The following BTG4 variants were observed in gnomAD, a reference collection of about 807,000 sequenced individuals.
The protein encoded by BTG4 is protein BTG4.
Under a neutral mutation model 19.3 loss-of-function variants are expected in BTG4, and 10 were observed. The observed-to-expected ratio is 0.52, with a 90% CI of 0.32 to 0.88. BTG4 has a LOEUF of 0.88. BTG4 is among the 40% of genes least tolerant of loss of function. The pLI, the probability that BTG4 is intolerant of heterozygous loss-of-function variation, is 0.04. For synonymous variants in BTG4, 91 were observed against 95.7 expected (o/e 0.95, Z 0.29); for missense variants, 238 against 281.9 (o/e 0.84, Z 1.11).
At chr11:111,415,199 C>T in the BTG4 span, among the ~76,000 whole-genome samples, 2 of 152,230 alleles carry the variant, frequency 1.3e-5, no homozygotes, top group Admixed American at 1.3e-4. Context: ...CTGCAAAGCC[C>T]TGTTATTGGC....
chr11:111,390,419 A>G, the BTG4 span, among the ~76,000 whole-genome samples: 1 of 152,240 alleles, frequency 6.6e-6, no homozygotes. Flanking sequence ...TCTTCCCATC[A>G]GAACAAAGAA....
At chr11:111,470,343 C>T (rs1482160380) in intron 5 of BTG4, among the ~76,000 whole-genome samples, 1 of 152,044 alleles carries the variant, frequency 6.6e-6, no homozygotes, top group African/African-American at 2.4e-5. Flanking sequence ...CTCAGTGTTC[C>T]CAAAGTTCTG....
the BTG4 span, among the ~76,000 whole-genome samples, chr11:111,456,089 G>A: frequency 4.6e-5 from 7 of 152,230 alleles, no homozygotes; most frequent in African/African-American, 1.2e-4. The surrounding 1 kb of genome is among the most constrained non-coding windows in gnomAD (Gnocchi z 4.2). Context: ...AAAGTGGGAA[G>A]AACCAAGGAA....
intron 5 of BTG4, among the ~76,000 whole-genome samples, chr11:111,483,066 T>A (rs952178683): frequency 6.6e-6 from 1 of 152,174 alleles, no homozygotes; most frequent in South Asian, 2.1e-4. Context: ...ATTGAACAAC[T>A]ACCCATGCAA....
chr11:111,436,865 C>T, the BTG4 span, among the ~76,000 whole-genome samples: 7 of 152,256 alleles, frequency 4.6e-5, no homozygotes, highest in East Asian at 5.8e-4. Context: ...CGTTGGCTCG[C>T]GTGTGGGTGT....
downstream of BTG4, among the ~76,000 whole-genome samples, chr11:111,492,136 T>A (rs2135640961): frequency 6.6e-6 from 1 of 152,288 alleles, no homozygotes; most frequent in Non-Finnish European, 1.5e-5. Flanking sequence ...TATGAGGCAA[T>A]CTCTGAACCC....
intron 5 of BTG4, among the ~76,000 whole-genome samples, chr11:111,486,975 C>G (rs1198824305): frequency 1.3e-5 from 2 of 152,174 alleles, no homozygotes; most frequent in Admixed American, 6.5e-5. Flanking sequence ...CTCCCTCCCC[C>G]CGCCTCCTCC....
Position 111,495,006 on chromosome 11 carries a change from T to C in BTG4, c.*129A>G, listed in dbSNP as rs1865630795. 2 of 985,424 alleles carry C rather than the reference T, an allele frequency of 2.0e-6. No individual in the cohort carries two copies. The highest frequency in any genetic ancestry group is 4.7e-5 in the South Asian group (1 of 21,288). The allele number at this position is 985,424 out of a possible 1,614,324, so 61.0% of individuals were successfully genotyped here. A position where few individuals can be genotyped will look rare whatever the true frequency, so the allele number is the denominator to read the frequency against. ...ATGATCTGTATGAGAGGATTTACCA[T>C]TGTGTACCCTAGTCCCTAATATGGT... On this transcript the variant is annotated 3_prime_UTR_variant, in exon 5 of 5. Transcript: ENST00000692032.
chr11:111,490,361 C>T (rs1865341363), downstream of BTG4, among the ~76,000 whole-genome samples: 2 of 151,690 alleles, frequency 1.3e-5, no homozygotes, highest in South Asian at 2.1e-4. Context: ...GTGATGAATA[C>T]CCCAATTACC....
chr11:111,397,805 C>T, the BTG4 span: 4 of 152,236 alleles, frequency 2.6e-5, no homozygotes, highest in African/African-American at 7.2e-5. Context: ...TTCAGCAGAA[C>T]GTTCAGGAAA....
chr11:111,466,883 G>C (rs1863750877), downstream of BTG4: 1 of 152,654 alleles, frequency 6.6e-6, no homozygotes, highest in Admixed American at 6.5e-5. Flanking sequence ...TTATCCCCCA[G>C]CTTCATGTAA....
chr11:111,431,138 A>G, the BTG4 span, among the ~76,000 whole-genome samples: 2 of 152,218 alleles, frequency 1.3e-5, no homozygotes, highest in Non-Finnish European at 2.9e-5. Flanking sequence ...ACCTTAACCC[A>G]GGCAGTAAAG....
At chr11:111,448,832 G>A in the BTG4 span, among the ~76,000 whole-genome samples, 1 of 152,022 alleles carries the variant, frequency 6.6e-6, no homozygotes, top group Non-Finnish European at 1.5e-5. Context: ...AGTTAAACTT[G>A]AATTTCAGAT....
At chr11:111,398,178 A>ATC in the BTG4 span, 1 of 152,366 alleles carries the variant, frequency 6.6e-6, no homozygotes, top group East Asian at 1.9e-4. Flanking sequence ...ACTGCTGATC[A>ATC]TCTGCAAGTC....
chr11:111,408,194 C>T, the BTG4 span, among the ~76,000 whole-genome samples: 4 of 152,222 alleles, frequency 2.6e-5, no homozygotes, highest in African/African-American at 9.7e-5. Flanking sequence ...GGAGCTGAGG[C>T]CACACTTGAT....
At chr11:111,453,038 G>A in the BTG4 span, among the ~76,000 whole-genome samples, 3 of 152,252 alleles carry the variant, frequency 2.0e-5, no homozygotes, top group South Asian at 2.1e-4. Context: ...GTGACCAAAC[G>A]GGGTTTCCCA....
At chr11:111,451,037 C>T in the BTG4 span, 37 of 179,582 alleles carry the variant, frequency 2.1e-4, no homozygotes, top group East Asian at 4.4e-3. Context: ...GGATCTGCTG[C>T]CCCCAGAGCC....
At chr11:111,434,676 G>A in the BTG4 span, among the ~76,000 whole-genome samples, 91 of 151,492 alleles carry the variant, frequency 6.0e-4, no homozygotes, top group Middle Eastern at 6.8e-3. Flanking sequence ...CCCATCTATG[G>A]TAAACAATAA....
chr11:111,476,196 A>C (rs1864389522), intron 5 of BTG4, among the ~76,000 whole-genome samples: 1 of 150,698 alleles, frequency 6.6e-6, no homozygotes, highest in Non-Finnish European at 1.5e-5. Flanking sequence ...TAAGCAATGC[A>C]AGGAAGATAG....
Sources: gnomAD v4.1 joint callset for allele counts (sites outside exome capture counted in the v4.1 genomes callset) on GRCh38, gnomAD v4.1.1 for gene constraint, Gnocchi (gnomAD v3.1) non-coding constraint, MANE v1.5 for transcripts, NCBI Gene and HGNC (gene_info 2026-07-23, HGNC 2026-07-21) for gene names.